The following ZNF385B variants were observed in gnomAD, a reference collection of about 807,000 sequenced individuals.
The protein encoded by ZNF385B is zinc finger protein 385B.
In ZNF385B, 23 loss-of-function variants were observed where a neutral mutation model predicts 39.2. The observed-to-expected ratio is 0.59, with a 90% CI of 0.42 to 0.83. The LOEUF is 0.83. Ranked by LOEUF, ZNF385B falls within the 40% of genes least tolerant of loss-of-function variation. ZNF385B has a pLI of 0.00. For synonymous variants in ZNF385B, 205 were observed against 222.6 expected, an observed-to-expected ratio of 0.92 and a Z score of 0.70; for missense variants, 552 against 598.9, an observed-to-expected ratio of 0.92 and a Z score of 0.82.
intron 3 of ZNF385B, among the ~76,000 whole-genome samples, chr2:179,684,689 C>T (rs970921625): frequency 1.3e-5 from 2 of 152,196 alleles, no homozygotes; most frequent in African/African-American, 2.4e-5. Context: ...TTCCTAACAT[C>T]GTGACATACC....
intron 3 of ZNF385B, among the ~76,000 whole-genome samples, chr2:179,645,512 A>T (rs1488870241): frequency 6.6e-6 from 1 of 152,204 alleles, no homozygotes; most frequent in African/African-American, 2.4e-5. Context: ...CATTTGCACT[A>T]TTACATAATG....
chr2:179,635,103 C>A (rs1172617566), intron 3 of ZNF385B, among the ~76,000 whole-genome samples: 9 of 150,980 alleles, frequency 6.0e-5, no homozygotes, highest in African/African-American at 9.8e-5. Flanking sequence ...GATTGCGCCA[C>A]TGCACTCCAG....
chr2:179,655,969 T>C (rs570240573), intron 3 of ZNF385B, among the ~76,000 whole-genome samples: 1 of 152,280 alleles, frequency 6.6e-6, no homozygotes, highest in South Asian at 2.1e-4. Context: ...TTAACAGAGA[T>C]TATATTAGTC....
chr2:179,726,309 AC>A (rs1265572471), intron 3 of ZNF385B, among the ~76,000 whole-genome samples: 1 of 152,006 alleles, frequency 6.6e-6, no homozygotes, highest in Non-Finnish European at 1.5e-5. Context: ...CATGTCTTGC[AC>A]CTCTCCATAT....
chr2:179,471,025 A>T (rs1326923905), intron 6 of ZNF385B, among the ~76,000 whole-genome samples: 1 of 152,208 alleles, frequency 6.6e-6, no homozygotes, highest in Non-Finnish European at 1.5e-5. Context: ...AGCTCCAAAA[A>T]TCATCTTGAG....
At chr2:179,614,572 G>C (rs1055899795) in intron 3 of ZNF385B, among the ~76,000 whole-genome samples, 7 of 152,162 alleles carry the variant, frequency 4.6e-5, no homozygotes, top group Non-Finnish European at 1.0e-4. Context: ...TATTACTCCA[G>C]TATCAAGGAG....
intron 1 of ZNF385B, among the ~76,000 whole-genome samples, chr2:179,787,565 T>C (rs1334973909): frequency 6.6e-6 from 1 of 152,174 alleles, no homozygotes; most frequent in Non-Finnish European, 1.5e-5. Flanking sequence ...GGTATTTACA[T>C]TGAAAGCCAA....
chr2:179,521,218 G>C (rs2058469887), intron 4 of ZNF385B, among the ~76,000 whole-genome samples: 1 of 151,462 alleles, frequency 6.6e-6, no homozygotes, highest in South Asian at 2.1e-4. Flanking sequence ...GCAGAGTCTT[G>C]CTCCGTGGCC....
intron 1 of ZNF385B, among the ~76,000 whole-genome samples, chr2:179,841,645 TA>T: frequency 6.6e-6 from 1 of 152,294 alleles, no homozygotes; most frequent in East Asian, 1.9e-4. Flanking sequence ...GCTTGTAACA[TA>T]CTCCCCATCC....
intron 1 of ZNF385B, among the ~76,000 whole-genome samples, chr2:179,806,529 T>A (rs1298600280): frequency 6.6e-6 from 1 of 152,208 alleles, no homozygotes; most frequent in Non-Finnish European, 1.5e-5. Context: ...CGTTAACCTT[T>A]CAATAACGTA....
chr2:179,597,733 T>C (rs1223166990), intron 3 of ZNF385B, among the ~76,000 whole-genome samples: 1 of 152,212 alleles, frequency 6.6e-6, no homozygotes, highest in Non-Finnish European at 1.5e-5. Flanking sequence ...ATGAGGTTGA[T>C]ATGAAATATA....
chr2:179,583,555 C>G (rs1686774178), intron 3 of ZNF385B, among the ~76,000 whole-genome samples: 1 of 152,136 alleles, frequency 6.6e-6, no homozygotes, highest in Admixed American at 6.5e-5. Flanking sequence ...TTATATGGCT[C>G]AGTTTTCAAA....
At chr2:179,528,452 G>C (rs2059057184) in intron 4 of ZNF385B, among the ~76,000 whole-genome samples, 1 of 152,150 alleles carries the variant, frequency 6.6e-6, no homozygotes, top group African/African-American at 2.4e-5. Context: ...TACTTCTTTT[G>C]TCTTTAAAAT....
chr2:179,606,635 T>G (rs906729379), intron 3 of ZNF385B, among the ~76,000 whole-genome samples: 2 of 152,210 alleles, frequency 1.3e-5, no homozygotes, highest in African/African-American at 4.8e-5. Flanking sequence ...TGGTTTTTCC[T>G]TATTCTGTTT....
chr2:179,760,667 G>A (rs1175454381), intron 3 of ZNF385B, among the ~76,000 whole-genome samples: 1 of 152,098 alleles, frequency 6.6e-6, no homozygotes, highest in Admixed American at 6.6e-5. Flanking sequence ...GGAATCTTGA[G>A]ATGAGGAAAC....
intron 3 of ZNF385B, among the ~76,000 whole-genome samples, chr2:179,754,521 T>G (rs1401580617): frequency 2.6e-5 from 4 of 152,242 alleles, no homozygotes; most frequent in Non-Finnish European, 5.9e-5. Context: ...CAGTTCCTCC[T>G]TGTACCTCTG....
rs543969182 is a variant in ZNF385B at position 179,690,515 on chromosome 2, C to A, written c.298+78988G>T. Among the ~76,000 whole-genome samples, 3 of 152,254 alleles carry A rather than the reference C, an allele frequency of 2.0e-5. No individual in the cohort carries two copies. The South Asian group carries it at 6.2e-4, about 32-fold the overall frequency. ...TTGGAAAAAGCCATGTATAAGTGGA[C>A]TATGCAGTTCAAAATCATGCTGTTC... On this transcript the variant is annotated intron_variant, in intron 3 of 9. Transcript: ENST00000410066.
At chr2:179,596,232 T>C (rs183732606) in intron 3 of ZNF385B, among the ~76,000 whole-genome samples, 13 of 152,162 alleles carry the variant, frequency 8.5e-5, no homozygotes, top group South Asian at 4.1e-4. Flanking sequence ...GGATAGACTC[T>C]TACTTACAGG....
chr2:179,564,355 A>G (rs1395510464), intron 3 of ZNF385B, among the ~76,000 whole-genome samples: 1 of 152,134 alleles, frequency 6.6e-6, no homozygotes, highest in East Asian at 1.9e-4. Flanking sequence ...ATGGTTATCT[A>G]AAAAATGAGA....
Sources: gnomAD v4.1 joint callset for allele counts (sites outside exome capture counted in the v4.1 genomes callset) on GRCh38, gnomAD v4.1.1 for gene constraint, MANE v1.5 for transcripts, NCBI Gene and HGNC (gene_info 2026-07-23, HGNC 2026-07-21) for gene names.